The following FAM149A variants were observed in gnomAD, a reference collection of about 807,000 sequenced individuals.
The protein encoded by FAM149A is family with sequence similarity 149 member A.
A neutral mutation model predicts 78.2 loss-of-function variants in FAM149A; 71 were observed. That is an observed-to-expected ratio of 0.91 (90% CI 0.75 to 1.11). The LOEUF (loss-of-function observed/expected upper bound fraction) is 1.11. Among genes scored for constraint, FAM149A ranks in the 50% least tolerant of loss-of-function variants. FAM149A has a pLI of 0.00. For missense variants in FAM149A, 1,036 were observed against 971.0 expected, an observed-to-expected ratio of 1.07 and a Z score of -0.89; for synonymous variants, 446 against 410.5, an observed-to-expected ratio of 1.09 and a Z score of -1.04.
At chr4:186,136,992 C>CTCTCTCTCTCTCTCTCTCTCTCTT (rs2099323488) in intron 1 of FAM149A, among the ~76,000 whole-genome samples, 4 of 126,790 alleles carry the variant, frequency 3.2e-5, no homozygotes, top group African/African-American at 8.4e-5. Flanking sequence ...CTCTCTCTCT[C>CTCTCTCTCTCTCTCTCTCTCTCTT]TCTCTCTCTC....
intron 1 of FAM149A, among the ~76,000 whole-genome samples, chr4:186,135,821 G>A (rs1488316756): frequency 6.6e-6 from 1 of 152,224 alleles, no homozygotes; most frequent in Non-Finnish European, 1.5e-5. Flanking sequence ...ACCCACAAAA[G>A]TGCACACTTG....
At chr4:186,107,055 C>T (rs534712777) in intron 1 of FAM149A, among the ~76,000 whole-genome samples, 1 of 152,296 alleles carries the variant, frequency 6.6e-6, no homozygotes, top group South Asian at 2.1e-4. Flanking sequence ...TGATAGTTTT[C>T]CCTATCAGTT....
In FAM149A at chr4:186,109,125, G is replaced by C. The variant is rs539956632; in HGVS notation, c.566+3483G>C. On this transcript the variant is annotated intron_variant, in intron 1 of 13. Transcript: ENST00000389354. ...GCCTCCCGAAGTGCTGGGATTACAGGCTTGAGCCACCGCGCCCGGCCGGTC... is the reference window on the plus strand; with the variant it reads ...GCCTCCCGAAGTGCTGGGATTACAGCCTTGAGCCACCGCGCCCGGCCGGTC... The C allele has an allele frequency of 3.3e-4, 325 of 980,526 alleles. 1 individual carries two copies. The African/African-American group carries it at 5.0e-3, about 15-fold the overall frequency. The allele number at this position is 980,526 out of a possible 1,614,324, so 60.7% of individuals were successfully genotyped here.
chr4:186,160,279 C>T (rs1411708088), intron 8 of FAM149A, among the ~76,000 whole-genome samples: 1 of 142,976 alleles, frequency 7.0e-6, no homozygotes, highest in African/African-American at 2.6e-5. Flanking sequence ...GACACAAACA[C>T]ACCACACACC....
In FAM149A at chr4:186,131,993, G is replaced by T. The variant is rs998991280; in HGVS notation, c.567-17180G>T. 8 of 985,350 alleles carry T rather than the reference G, an allele frequency of 8.1e-6. No individual in the cohort carries two copies. The African/African-American group carries it at 1.4e-4, about 17-fold the overall frequency. 61.0% of individuals were successfully genotyped at this position (985,350 alleles called of 1,614,324 possible). A position where few individuals can be genotyped will look rare whatever the true frequency, so the allele number is the denominator to read the frequency against. On this transcript the variant is annotated intron_variant, in intron 1 of 13. Coordinates refer to ENST00000389354, the MANE Select transcript of FAM149A (RefSeq NM_001367768.3). Reference sequence around the variant, plus strand: ...TTCTTTTGTATTTCTTTTTGAATGGGTTTAGCTTCTGTTCTAGCTTTCTTA... The same window carrying T: ...TTCTTTTGTATTTCTTTTTGAATGGTTTTAGCTTCTGTTCTAGCTTTCTTA...
Position 186,105,299 on chromosome 4 carries a change from T to TC in FAM149A, c.225dup (p.Ser76LeufsTer25). The TC allele has an allele frequency of 8.5e-7, 1 of 1,181,700 alleles. No homozygotes were observed. Among genetic ancestry groups the TC allele is most frequent in the Non-Finnish European group, 1.1e-6 (1 of 945,670 alleles). 73.2% of individuals were successfully genotyped at this position (1,181,700 alleles called of 1,614,324 possible). A position where few individuals can be genotyped will look rare whatever the true frequency, so the allele number is the denominator to read the frequency against. On this transcript the variant is annotated frameshift_variant, in exon 1 of 14. Transcript: ENST00000389354. LOFTEE classifies it high-confidence loss of function. ...GCGGCGGTCGCCCGCCCCGCTGCTC[T>TC]CCTCCCCCTACTCCCGGGGCTCCGC...
chr4:186,165,352 G>A lies in FAM149A; in HGVS notation c.1898G>A (p.Gly633Asp). 1.2e-6 allele frequency: 2 copies of A among 1,614,222 alleles called. No homozygotes were observed. The highest frequency in any genetic ancestry group is 2.2e-5 in the South Asian group (2 of 91,088). The change falls in exon 11 of 14, where the codon GGC becomes GAC. Residue 633 changes from glycine (G) to aspartate (D), a missense_variant. This residue lies in a region of FAM149A where 716 missense variants were observed against 711.8 expected (regional missense o/e 1.01). Coordinates refer to ENST00000389354, the MANE Select transcript of FAM149A (RefSeq NM_001367768.3). Reference sequence around the variant, plus strand: ...ATGATGATGTGTTGCAGGCCGACTGGCGTGGACCACATGGCTTCCCCACTG... The same window carrying A: ...ATGATGATGTGTTGCAGGCCGACTGACGTGGACCACATGGCTTCCCCACTG...
Position 186,105,287 on chromosome 4 carries a change from G to A in FAM149A, c.211G>A (p.Ala71Thr), listed in dbSNP as rs1447404630. ...CCCCTCCGCCTCGCGGCGGTCGCCC[G>A]CCCCGCTGCTCTCCTCCCCCTACTC... is the stretch of plus-strand genomic sequence containing the variant. The change falls in exon 1 of 14, where the codon GCC becomes ACC. Residue 71 changes from alanine to threonine, a missense_variant. Physicochemically the swap from Ala to Thr is moderately conservative, Grantham distance 58 (BLOSUM62 0). Coordinates refer to ENST00000389354, the MANE Select transcript of FAM149A (RefSeq NM_001367768.3). 1 of 1,191,118 alleles carries A rather than the reference G, an allele frequency of 8.4e-7. No homozygotes were observed. The highest frequency in any genetic ancestry group is 1.1e-6 in the Non-Finnish European group (1 of 949,140). 73.8% of individuals were successfully genotyped at this position (1,191,118 alleles called of 1,614,324 possible). A position where few individuals can be genotyped will look rare whatever the true frequency, so the allele number is the denominator to read the frequency against.
intron 1 of FAM149A, among the ~76,000 whole-genome samples, chr4:186,117,046 C>T (rs959388918): frequency 3.3e-5 from 5 of 152,062 alleles, no homozygotes; most frequent in African/African-American, 1.2e-4. Flanking sequence ...TTAAGCTTTA[C>T]CTTCTCATTC....
intron 8 of FAM149A, chr4:186,157,954 C>T (rs758726629): frequency 5.7e-5 from 86 of 1,521,668 alleles, no homozygotes; most frequent in South Asian, 9.6e-5. Context: ...AAGTTCCTTG[C>T]GGTAGGAGCC....
At chr4:186,119,689 C>A (rs957383320) in intron 1 of FAM149A, among the ~76,000 whole-genome samples, 1 of 152,198 alleles carries the variant, frequency 6.6e-6, no homozygotes, top group Non-Finnish European at 1.5e-5. Context: ...ACCTTGGAAG[C>A]TCCTGTTCAT....
chr4:186,136,992 C>CTCTCTCTCTCTCTCTCTCTCTCTCTCTT (rs2099323489), intron 1 of FAM149A, among the ~76,000 whole-genome samples: 1 of 126,694 alleles, frequency 7.9e-6, no homozygotes, highest in African/African-American at 2.8e-5. Context: ...CTCTCTCTCT[C>CTCTCTCTCTCTCTCTCTCTCTCTCTCTT]TCTCTCTCTC....
rs1215191435 is a variant in FAM149A, at chr4:186,104,748, GGCGGGC to G, written c.-327_-322del. ...TGTGTTGAACGTAGCAACCGCGGGC[GGCGGGC>G]GGCGGGCGGCGGGCGTCTGGGGCGG... On this transcript the variant is annotated 5_prime_UTR_variant, in exon 1 of 14. Transcript: ENST00000389354. Among the ~76,000 whole-genome samples the G allele has an allele frequency of 1.5e-4, 7 of 46,576 alleles. No homozygotes were observed. The highest frequency in any genetic ancestry group is 4.2e-4 in the Non-Finnish European group (6 of 14,222). The allele number at this position is 46,576 out of a possible 152,430, so 30.6% of individuals were successfully genotyped here. A position where few individuals can be genotyped will look rare whatever the true frequency, so the allele number is the denominator to read the frequency against.
intron 1 of FAM149A, among the ~76,000 whole-genome samples, chr4:186,128,513 A>C (rs1399417969): frequency 1.3e-5 from 2 of 151,460 alleles, no homozygotes; most frequent in Non-Finnish European, 2.9e-5. Flanking sequence ...CCTTCCCTGG[A>C]ACACCTTAGC....
chr4:186,169,910 G>C (rs1373402059), intron 13 of FAM149A: 11 of 985,336 alleles, frequency 1.1e-5, no homozygotes, highest in African/African-American at 1.7e-5. Context: ...CAAATGCACA[G>C]CTCCAAGAGG....
intron 3 of FAM149A, among the ~76,000 whole-genome samples, chr4:186,151,449 A>G (rs570710308): frequency 1.3e-5 from 2 of 152,276 alleles, no homozygotes; most frequent in African/African-American, 4.8e-5. Context: ...CTTTTCTACA[A>G]AAGTAATTTT....
At chr4:186,120,325 A>G (rs1319789020) in intron 1 of FAM149A, among the ~76,000 whole-genome samples, 3 of 152,220 alleles carry the variant, frequency 2.0e-5, no homozygotes, top group African/African-American at 4.8e-5. Context: ...TGATAAATGT[A>G]AGATTGAATT....
rs771085685 is a variant in FAM149A, at chr4:186,153,599, C to T, written c.933-46C>T. 1.9e-6 allele frequency: 3 copies of T among 1,591,358 alleles called. No homozygotes were observed. The Admixed American group carries it at 5.1e-5, about 27-fold the overall frequency. Reference sequence around the variant, plus strand: ...ACTTTTAAAATCTCCAAACATTTTCCCTTTGTCTGATCAAAAATGTCAGTA... The same window carrying T: ...ACTTTTAAAATCTCCAAACATTTTCTCTTTGTCTGATCAAAAATGTCAGTA... On this transcript the variant is annotated intron_variant, in intron 4 of 13. Coordinates refer to ENST00000389354, the MANE Select transcript of FAM149A (RefSeq NM_001367768.3).
Position 186,172,388 on chromosome 4 carries a change from A to G in FAM149A, c.*401A>G, listed in dbSNP as rs771779925. On this transcript the variant is annotated 3_prime_UTR_variant, in exon 14 of 14. Coordinates refer to ENST00000389354, the MANE Select transcript of FAM149A (RefSeq NM_001367768.3). ...CTGACGTATTTTCTAGTCTCACCCT[A>G]TTAGTAATTCTGTCAAAATCCTAGA... is the stretch of plus-strand genomic sequence containing the variant. The G allele has an allele frequency of 1.3e-3, 108 of 84,246 alleles. 35 individuals are homozygous for G. Among genetic ancestry groups the G allele is most frequent in the Admixed American group, 5.3e-3 (45 of 8,556 alleles). The allele number at this position is 84,246 out of a possible 1,614,324, so 5.2% of individuals were successfully genotyped here. A position where few individuals can be genotyped will look rare whatever the true frequency, so the allele number is the denominator to read the frequency against.
Sources: gnomAD v4.1 joint callset for allele counts (sites outside exome capture counted in the v4.1 genomes callset) on GRCh38, gnomAD v4.1.1 for gene constraint, gnomAD v4.1.1 regional missense constraint, MANE v1.5 for transcripts, NCBI Gene and HGNC (gene_info 2026-07-23, HGNC 2026-07-21) for gene names.